The following GABRG3 variants were observed in gnomAD, a reference collection of about 807,000 sequenced individuals.
GABRG3 encodes gamma-aminobutyric acid receptor subunit gamma-3.
In GABRG3, 25 loss-of-function variants were observed where a neutral mutation model predicts 48.8. The observed-to-expected ratio is 0.51, with a 90% CI of 0.37 to 0.72. The LOEUF (loss-of-function observed/expected upper bound fraction) is 0.72. GABRG3 is among the 30% of genes least tolerant of loss of function. The probability of loss-of-function intolerance (pLI) is 0.00; values close to 1 mark genes in which losing one functional copy is unlikely to be tolerated. For missense variants in GABRG3, 394 were observed against 577.9 expected, an observed-to-expected ratio of 0.68 and a Z score of 3.26; for synonymous variants, 227 against 217.6, an observed-to-expected ratio of 1.04 and a Z score of -0.38.
chr15:26,991,724 T>A (rs1895252244), intron 2 of GABRG3, among the ~76,000 whole-genome samples: 1 of 152,142 alleles, frequency 6.6e-6, no homozygotes, highest in African/African-American at 2.4e-5. Flanking sequence ...CTTTTCTTTC[T>A]TTCTTTTTTT....
chr15:27,012,878 T>C (rs1895715350), intron 2 of GABRG3, among the ~76,000 whole-genome samples: 1 of 152,166 alleles, frequency 6.6e-6, no homozygotes, highest in African/African-American at 2.4e-5. Flanking sequence ...TAATTATTTG[T>C]AGAATGAATA....
intron 3 of GABRG3, among the ~76,000 whole-genome samples, chr15:27,166,474 T>C (rs1250835721): frequency 1.3e-5 from 2 of 152,040 alleles, no homozygotes; most frequent in African/African-American, 4.8e-5. Flanking sequence ...TCTTCCAAGC[T>C]TGAGACTCTT....
At chr15:27,099,296 A>G (rs1431729496) in intron 3 of GABRG3, among the ~76,000 whole-genome samples, 1 of 152,124 alleles carries the variant, frequency 6.6e-6, no homozygotes, top group Admixed American at 6.5e-5. Flanking sequence ...TGCCATAACC[A>G]AGCATCACAG....
chr15:27,192,640 A>C (rs748255038), intron 3 of GABRG3, among the ~76,000 whole-genome samples: 2 of 152,080 alleles, frequency 1.3e-5, no homozygotes, highest in Non-Finnish European at 2.9e-5. Flanking sequence ...ATTGTTTTCA[A>C]AGTTTTTAAT....
chr15:27,347,896 T>G (rs989003694), intron 5 of GABRG3, among the ~76,000 whole-genome samples: 4 of 151,984 alleles, frequency 2.6e-5, no homozygotes, highest in South Asian at 4.2e-4. Context: ...TCAGGGGGGG[T>G]TTCCCTGTGG....
intron 3 of GABRG3, among the ~76,000 whole-genome samples, chr15:27,126,899 C>T (rs1457290167): frequency 6.6e-6 from 1 of 152,060 alleles, no homozygotes; most frequent in African/African-American, 2.4e-5. Flanking sequence ...GACATGGTGA[C>T]CCTGGCATGT....
At chr15:27,449,410 C>G (rs780676131) in intron 5 of GABRG3, among the ~76,000 whole-genome samples, 47 of 152,214 alleles carry the variant, frequency 3.1e-4, no homozygotes, top group Non-Finnish European at 3.2e-4. Flanking sequence ...TTTGGACAAG[C>G]CATTCTATAA....
intron 6 of GABRG3, among the ~76,000 whole-genome samples, chr15:27,490,623 A>C (rs1890326548): frequency 6.6e-6 from 1 of 152,074 alleles, no homozygotes; most frequent in Admixed American, 6.5e-5. Flanking sequence ...TGTCCAATGA[A>C]ACTTTTCTTA....
rs147551369 is a variant in GABRG3, at chr15:27,229,935, G to A, written c.271-96874G>A. On this transcript the variant is annotated intron_variant, in intron 3 of 9. Coordinates refer to ENST00000615808, the MANE Select transcript of GABRG3 (RefSeq NM_033223.5). ...AAATATTTTTTTCTAGTTCTGTGAAGAATGTTGTTGTCAGTTTGGTAAGAA... is the reference window on the plus strand; with the variant it reads ...AAATATTTTTTTCTAGTTCTGTGAAAAATGTTGTTGTCAGTTTGGTAAGAA... 2.5e-3 allele frequency among the ~76,000 whole-genome samples: 385 copies of A among 152,210 alleles called. 2 individuals are homozygous for A. Among genetic ancestry groups the A allele is most frequent in the African/African-American group, 8.9e-3 (371 of 41,528 alleles).
intron 3 of GABRG3, among the ~76,000 whole-genome samples, chr15:27,045,289 T>A (rs948763136): frequency 2.0e-5 from 3 of 152,002 alleles, no homozygotes; most frequent in Non-Finnish European, 2.9e-5. Context: ...CAGGACGGAG[T>A]GGCAGGTGCA....
In GABRG3 at chr15:27,339,432, G is replaced by A. The variant is rs114816919; in HGVS notation, c.574+10544G>A. Reference sequence around the variant, plus strand: ...CTAGGCAGGCCTCTGCCACAGGTGAGGTGGATGTTTATCATCTCCTGCTTT... The same window carrying A: ...CTAGGCAGGCCTCTGCCACAGGTGAAGTGGATGTTTATCATCTCCTGCTTT... On this transcript the variant is annotated intron_variant, in intron 5 of 9. Coordinates refer to ENST00000615808, the MANE Select transcript of GABRG3 (RefSeq NM_033223.5). Among the ~76,000 whole-genome samples the A allele has an allele frequency of 5.7e-3, 863 of 152,336 alleles. 11 individuals are homozygous for A. The highest frequency in any genetic ancestry group is 0.019 in the African/African-American group (807 of 41,572).
intron 3 of GABRG3, among the ~76,000 whole-genome samples, chr15:27,243,451 A>G (rs1890186936): frequency 1.3e-5 from 2 of 152,084 alleles, no homozygotes; most frequent in Admixed American, 1.3e-4. Context: ...CTTCAGGTAT[A>G]CCCTGCTTGC....
chr15:27,509,715 CTGCTAATTTCCATTA>C (rs1890852608), intron 6 of GABRG3, among the ~76,000 whole-genome samples: 1 of 152,126 alleles, frequency 6.6e-6, no homozygotes, highest in African/African-American at 2.4e-5. Context: ...TTCCATTGAT[CTGCTAATTTCCATTA>C]TGCTAATTTC....
At chr15:27,522,753 A>G (rs1176278898) in intron 7 of GABRG3, among the ~76,000 whole-genome samples, 1 of 151,934 alleles carries the variant, frequency 6.6e-6, no homozygotes, top group African/African-American at 2.4e-5. Flanking sequence ...ATTCAACAGA[A>G]AGACAAAACA....
intron 3 of GABRG3, among the ~76,000 whole-genome samples, chr15:27,297,453 T>C (rs1351689045): frequency 6.6e-6 from 1 of 152,156 alleles, no homozygotes; most frequent in Non-Finnish European, 1.5e-5. Flanking sequence ...TGTAGCATTT[T>C]TTATCTTTTA....
Position 27,389,901 on chromosome 15 carries a change from G to T in GABRG3, c.574+61013G>T, listed in dbSNP as rs182340854. Among the ~76,000 whole-genome samples, 14 of 152,282 alleles carry T rather than the reference G, an allele frequency of 9.2e-5. No homozygotes were observed. In the East Asian group the frequency reaches 2.1e-3, roughly 23 times the overall value. ...ATGCGGGCATAAAACTGCCTGCAGG[G>T]CATAAAAACTGTCATAAAGTTAAGG... On this transcript the variant is annotated intron_variant, in intron 5 of 9. Coordinates refer to ENST00000615808, the MANE Select transcript of GABRG3 (RefSeq NM_033223.5).
chr15:27,451,118 C>T (rs1889099207), intron 5 of GABRG3, among the ~76,000 whole-genome samples: 1 of 152,100 alleles, frequency 6.6e-6, no homozygotes, highest in African/African-American at 2.4e-5. Flanking sequence ...AAAGTGATCA[C>T]CCAAAGTGAT....
At chr15:27,053,361 A>G (rs940329821) in intron 3 of GABRG3, among the ~76,000 whole-genome samples, 7 of 152,266 alleles carry the variant, frequency 4.6e-5, no homozygotes, top group African/African-American at 1.7e-4. Context: ...AAGAAGACAT[A>G]CAAGTGACCA....
intron 5 of GABRG3, among the ~76,000 whole-genome samples, chr15:27,476,203 A>G (rs1165155706): frequency 6.6e-6 from 1 of 152,238 alleles, no homozygotes; most frequent in Non-Finnish European, 1.5e-5. Flanking sequence ...TCTGGAGTGG[A>G]GGAAGGTATC....
Sources: gnomAD v4.1 joint callset for allele counts (sites outside exome capture counted in the v4.1 genomes callset) on GRCh38, gnomAD v4.1.1 for gene constraint, MANE v1.5 for transcripts, NCBI Gene and HGNC (gene_info 2026-07-23, HGNC 2026-07-21) for gene names.